The following DCBLD1 variants were observed in gnomAD, a reference collection of about 807,000 sequenced individuals.
DCBLD1 encodes the protein discoidin, CUB and LCCL domain-containing protein 1.
DCBLD1 carries 57 observed loss-of-function variants against 71.5 expected under a neutral mutation model. That is an observed-to-expected ratio of 0.80 (90% CI 0.64 to 0.99). DCBLD1 has a LOEUF of 0.99. Among genes scored for constraint, DCBLD1 ranks in the 50% least tolerant of loss-of-function variants. The probability of loss-of-function intolerance (pLI) is 0.00; values close to 1 mark genes in which losing one functional copy is unlikely to be tolerated. For synonymous variants in DCBLD1, 380 were observed against 363.8 expected (o/e 1.04, Z -0.51); for missense variants, 891 against 923.5 (o/e 0.96, Z 0.46).
chr6:117,567,085 A>T (rs568234258), intron 14 of DCBLD1: 3 of 1,396,056 alleles, frequency 2.1e-6, no homozygotes, highest in Non-Finnish European at 2.9e-6. Flanking sequence ...ATTGTAATTT[A>T]AAAAGGATTT....
intron 14 of DCBLD1, among the ~76,000 whole-genome samples, chr6:117,557,964 T>G (rs1166241437): frequency 6.6e-6 from 1 of 152,164 alleles, no homozygotes. Flanking sequence ...GGGCAGGTAT[T>G]GCCTTAGGGA....
intron 11 of DCBLD1, among the ~76,000 whole-genome samples, chr6:117,542,752 C>G (rs985260371): frequency 7.9e-5 from 12 of 151,214 alleles, no homozygotes; most frequent in Admixed American, 3.3e-4. Context: ...GAGCTCCACA[C>G]TGTGCTTAAA....
chr6:117,569,496 G>A (rs567260598), intron 14 of DCBLD1: 11 of 1,530,318 alleles, frequency 7.2e-6, no homozygotes, highest in African/African-American at 7.2e-5. Flanking sequence ...TAGAAACTTC[G>A]TAGGGAAGTA....
chr6:117,503,098 C>G (rs1243812000), intron 1 of DCBLD1, among the ~76,000 whole-genome samples: 1 of 152,168 alleles, frequency 6.6e-6, no homozygotes, highest in Non-Finnish European at 1.5e-5. Context: ...TATGAGACAG[C>G]AAGTGCTGCT....
At chr6:117,551,326 T>G (rs942010722), downstream of DCBLD1, among the ~76,000 whole-genome samples, 5 of 152,262 alleles carry the variant, frequency 3.3e-5, no homozygotes, top group East Asian at 9.6e-4. Flanking sequence ...TCATTAGAGC[T>G]TCTCATCCTA....
At chr6:117,526,442 A>G (rs958596959) in intron 5 of DCBLD1, among the ~76,000 whole-genome samples, 1 of 152,218 alleles carries the variant, frequency 6.6e-6, no homozygotes, top group Admixed American at 6.5e-5. Context: ...CCAGCAATAG[A>G]AAGTTTTTAT....
At chr6:117,500,469 T>C (rs1777618405) in intron 1 of DCBLD1, among the ~76,000 whole-genome samples, 1 of 152,170 alleles carries the variant, frequency 6.6e-6, no homozygotes, top group African/African-American at 2.4e-5. Flanking sequence ...TGTTGACGAT[T>C]TGAACTTGCC....
chr6:117,492,316 A>G (rs1777320863), intron 1 of DCBLD1, among the ~76,000 whole-genome samples: 1 of 152,200 alleles, frequency 6.6e-6, no homozygotes, highest in African/African-American at 2.4e-5. Context: ...TCTGAGAGCT[A>G]TTGAGGGAAC....
At chr6:117,520,245 T>G (rs1778342414) in intron 3 of DCBLD1, among the ~76,000 whole-genome samples, 1 of 152,216 alleles carries the variant, frequency 6.6e-6, no homozygotes, top group Non-Finnish European at 1.5e-5. Flanking sequence ...CAAAAAATTT[T>G]TATAATTATG....
At chr6:117,562,543 A>C (rs903321012) in intron 14 of DCBLD1, 1 of 203,430 alleles carries the variant, frequency 4.9e-6, no homozygotes, top group Non-Finnish European at 1.0e-5. Flanking sequence ...GATGTTTTAC[A>C]CTCATCTGCA....
At position 117,548,511 on chromosome 6, in the gene DCBLD1, G is replaced by A. The variant is rs1779356126; in HGVS notation, c.*72G>A. On this transcript the variant is annotated 3_prime_UTR_variant, in exon 15 of 15. Transcript: ENST00000338728. The stretch of plus-strand genomic sequence containing the variant: ...ACAAGGCACTGGAAGAAGGGAGCCT[G>A]CTGGTCCAGAGTGTGCGTGTGTATC... The A allele has an allele frequency of 1.3e-6, 2 of 1,538,482 alleles. No individual in the cohort carries two copies. The highest frequency in any genetic ancestry group is 1.7e-6 in the Non-Finnish European group (2 of 1,144,404).
chr6:117,561,985 T>A, intron 14 of DCBLD1: 1 of 207,014 alleles, frequency 4.8e-6, no homozygotes, highest in East Asian at 7.4e-5. Flanking sequence ...CTTGTAGGCT[T>A]TCTCCCACTT....
intron 1 of DCBLD1, among the ~76,000 whole-genome samples, chr6:117,485,789 T>G (rs1187629396): frequency 1.3e-5 from 2 of 152,222 alleles, no homozygotes; most frequent in African/African-American, 4.8e-5. Context: ...CATCTGCTGC[T>G]TCTACTAATT....
rs533381666 is a variant in DCBLD1, at chr6:117,546,425, T to C, written c.1615+828T>C. ...TTGTTAGAAAGGGAGGCCATAGAACTAGAAGCTCCCAGGTGACGCCTGTGC... is the reference window on the plus strand; with the variant it reads ...TTGTTAGAAAGGGAGGCCATAGAACCAGAAGCTCCCAGGTGACGCCTGTGC... On this transcript the variant is annotated intron_variant, in intron 14 of 14. Coordinates refer to ENST00000338728, the MANE Select transcript of DCBLD1 (RefSeq NM_001366458.2). 6.6e-5 allele frequency among the ~76,000 whole-genome samples: 10 copies of C among 152,216 alleles called. No individual in the cohort carries two copies. The South Asian group carries it at 1.7e-3, about 25-fold the overall frequency.
At chr6:117,523,985 C>T (rs563562266) in intron 4 of DCBLD1, among the ~76,000 whole-genome samples, 4 of 152,092 alleles carry the variant, frequency 2.6e-5, no homozygotes, top group Non-Finnish European at 5.9e-5. Flanking sequence ...TAGCTGTCTT[C>T]ATATCTTGTT....
chr6:117,537,931 A>G (rs1583023303), intron 7 of DCBLD1, among the ~76,000 whole-genome samples: 2 of 152,288 alleles, frequency 1.3e-5, no homozygotes, highest in Non-Finnish European at 2.9e-5. Context: ...AGATTTTAAG[A>G]GAAAAAGCTT....
chr6:117,527,353 G>T, intron 5 of DCBLD1, among the ~76,000 whole-genome samples: 1 of 152,158 alleles, frequency 6.6e-6, no homozygotes, highest in East Asian at 1.9e-4. Flanking sequence ...TGCCTCCACA[G>T]TGCCTTCATC....
intron 14 of DCBLD1, among the ~76,000 whole-genome samples, chr6:117,558,247 C>T (rs748996720): frequency 2.6e-5 from 4 of 152,142 alleles, no homozygotes; most frequent in African/African-American, 4.8e-5. Flanking sequence ...CTGTTTCAAT[C>T]CCTCCATTGT....
chr6:117,544,395 G>T, intron 12 of DCBLD1, 133 bp from the exon 13 acceptor site: 1 of 685,878 alleles, frequency 1.5e-6, no homozygotes, highest in South Asian at 3.9e-5. Flanking sequence ...TAAAGCACAT[G>T]GCAGCTGCCA....
Sources: allele counts gnomAD v4.1 joint callset (sites outside exome capture counted in the v4.1 genomes callset), GRCh38; gene constraint gnomAD v4.1.1; transcripts MANE v1.5; gene names NCBI Gene and HGNC (gene_info 2026-07-23, HGNC 2026-07-21).